Variants in SLC39A11 observed in about 807,000 individuals in gnomAD.
SLC39A11 encodes the protein zinc transporter ZIP11.
SLC39A11 carries 33 observed loss-of-function variants against 36.1 expected under a neutral mutation model. The ratio of observed to expected loss-of-function variants is 0.91; its 90% confidence interval spans 0.69 to 1.22. SLC39A11 has a LOEUF of 1.22. Ranked by LOEUF, SLC39A11 falls within the 50% of genes most tolerant of loss-of-function variation. The pLI, the probability that SLC39A11 is intolerant of heterozygous loss-of-function variation, is 0.00. For missense variants in SLC39A11, 432 were observed against 430.3 expected, an observed-to-expected ratio of 1.00 and a Z score of -0.03; for synonymous variants, 166 against 170.3, an observed-to-expected ratio of 0.97 and a Z score of 0.20.
At chr17:72,662,661 GA>G (rs1419763108) in intron 7 of SLC39A11, among the ~76,000 whole-genome samples, 1 of 89,816 alleles carries the variant, frequency 1.1e-5, no homozygotes, top group Non-Finnish European at 2.2e-5. Flanking sequence ...AAAAAGAAAA[GA>G]AAAAGGAAGG....
chr17:73,086,353 G>A (rs1433539228), intron 2 of SLC39A11, among the ~76,000 whole-genome samples: 1 of 142,724 alleles, frequency 7.0e-6, no homozygotes, highest in Non-Finnish European at 1.5e-5. Flanking sequence ...TTTTTTTTTT[G>A]CTATCTATCC....
chr17:72,992,361 C>A (rs1037152418), intron 4 of SLC39A11, among the ~76,000 whole-genome samples: 1 of 152,004 alleles, frequency 6.6e-6, no homozygotes, highest in Non-Finnish European at 1.5e-5. Flanking sequence ...TCTCAAAAAA[C>A]GAACAAAAAA....
At chr17:72,752,410 A>C (rs1046068001) in intron 6 of SLC39A11, among the ~76,000 whole-genome samples, 28 of 151,594 alleles carry the variant, frequency 1.8e-4, no homozygotes, top group East Asian at 7.8e-4. Flanking sequence ...ACGCCCAGCT[A>C]ACTTTAGTAT....
At chr17:72,717,183 A>T (rs924811924) in intron 7 of SLC39A11, among the ~76,000 whole-genome samples, 15 of 149,962 alleles carry the variant, frequency 1.0e-4, no homozygotes, top group Admixed American at 2.7e-4. Context: ...TAAAAATTTT[A>T]AAAAATTTAA....
intron 6 of SLC39A11, among the ~76,000 whole-genome samples, chr17:72,779,617 A>G (rs539915965): frequency 6.6e-6 from 1 of 152,276 alleles, no homozygotes; most frequent in East Asian, 1.9e-4. Flanking sequence ...TGCTAGGGCA[A>G]GGGAATGCTA....
At chr17:72,689,163 C>T (rs1473012286) in intron 7 of SLC39A11, among the ~76,000 whole-genome samples, 2 of 152,126 alleles carry the variant, frequency 1.3e-5, no homozygotes, top group Non-Finnish European at 2.9e-5. Context: ...AGGTGGCTGG[C>T]CCGATGCTCG....
At position 72,670,282 on chromosome 17, in the gene SLC39A11, G is replaced by T. The variant is rs543870842; in HGVS notation, c.672-21014C>A. Among the ~76,000 whole-genome samples, 120 of 150,746 alleles carry T rather than the reference G, an allele frequency of 8.0e-4. 1 individual carries two copies. Among genetic ancestry groups the T allele is most frequent in the African/African-American group, 2.8e-3 (115 of 41,000 alleles). On this transcript the variant is annotated intron_variant, in intron 7 of 9. Transcript: ENST00000255559. ...GTTACTCATGAGGCGGAGACAGGAT[G>T]ATCACTTGAGGCTGGGAGGTCAGGG...
At chr17:72,964,714 A>T (rs1484697847) in intron 4 of SLC39A11, among the ~76,000 whole-genome samples, 1 of 152,206 alleles carries the variant, frequency 6.6e-6, no homozygotes, top group Non-Finnish European at 1.5e-5. Flanking sequence ...GGGATCTAGA[A>T]CTAGAAATAC....
rs1312003557 is a variant in SLC39A11 at position 72,646,389 on chromosome 17, A to C, written c.*1195T>G. The C allele has an allele frequency of 6.6e-6, 1 of 152,184 alleles. No individual in the cohort carries two copies. The highest frequency in any genetic ancestry group is 3.2e-3 in the Middle Eastern group (1 of 316). 9.4% of individuals were successfully genotyped at this position (152,184 alleles called of 1,614,324 possible). A position where few individuals can be genotyped will look rare whatever the true frequency, so the allele number is the denominator to read the frequency against. The stretch of plus-strand genomic sequence containing the variant: ...TGTTTGAAGTGGACAGGTCATTGCT[A>C]CCCCTGTTGGAGAAGCTATGTAAGA... On this transcript the variant is annotated 3_prime_UTR_variant, in exon 10 of 10. Coordinates refer to ENST00000255559, the MANE Select transcript of SLC39A11 (RefSeq NM_139177.4).
At chr17:73,061,029 T>C in intron 3 of SLC39A11, among the ~76,000 whole-genome samples, 1 of 152,236 alleles carries the variant, frequency 6.6e-6, no homozygotes, top group Non-Finnish European at 1.5e-5. Context: ...AGTACAGGTT[T>C]GTGATTACTT....
chr17:72,861,859 C>T (rs1479924238), intron 5 of SLC39A11, among the ~76,000 whole-genome samples: 5 of 144,818 alleles, frequency 3.5e-5, no homozygotes, highest in Non-Finnish European at 6.0e-5. Context: ...ATATATATGA[C>T]TTTTAGAAAT....
intron 3 of SLC39A11, among the ~76,000 whole-genome samples, chr17:73,046,790 A>G (rs907064021): frequency 1.3e-5 from 2 of 151,850 alleles, no homozygotes; most frequent in Admixed American, 6.5e-5. Flanking sequence ...AAAAGGCAAA[A>G]GTTAGCCGGG....
At chr17:72,707,604 T>A (rs978532779) in intron 7 of SLC39A11, among the ~76,000 whole-genome samples, 1 of 152,184 alleles carries the variant, frequency 6.6e-6, no homozygotes, top group Non-Finnish European at 1.5e-5. Flanking sequence ...TCCTGTGTCA[T>A]CAAGCAACTA....
intron 4 of SLC39A11, among the ~76,000 whole-genome samples, chr17:72,967,869 A>G (rs1295958176): frequency 1.3e-5 from 2 of 152,162 alleles, no homozygotes; most frequent in Admixed American, 6.5e-5. Flanking sequence ...CCAGCCCCTT[A>G]ACAGCAGAGC....
At chr17:72,673,347 C>A (rs149407135) in intron 7 of SLC39A11, among the ~76,000 whole-genome samples, 1 of 152,248 alleles carries the variant, frequency 6.6e-6, no homozygotes, top group African/African-American at 2.4e-5. Context: ...TAGTGATCTG[C>A]CCACCTCGGC....
intron 5 of SLC39A11, among the ~76,000 whole-genome samples, chr17:72,884,682 A>C (rs1337363101): frequency 6.6e-6 from 1 of 152,244 alleles, no homozygotes; most frequent in Non-Finnish European, 1.5e-5. Context: ...ATTAGAGTTT[A>C]ATAAAAAGGA....
intron 3 of SLC39A11, among the ~76,000 whole-genome samples, chr17:73,076,480 G>A (rs1004786036): frequency 1.3e-5 from 2 of 152,182 alleles, no homozygotes; most frequent in Non-Finnish European, 2.9e-5. Flanking sequence ...GTATTGCAAT[G>A]TACGCACAAC....
intron 6 of SLC39A11, among the ~76,000 whole-genome samples, chr17:72,771,449 G>A (rs989286857): frequency 3.9e-5 from 6 of 152,032 alleles, no homozygotes; most frequent in South Asian, 2.1e-4. Context: ...TTCGTGCCTC[G>A]TGTTCTATAG....
chr17:72,746,047 G>A (rs1250295038), intron 6 of SLC39A11, among the ~76,000 whole-genome samples: 2 of 152,266 alleles, frequency 1.3e-5, no homozygotes, highest in African/African-American at 4.8e-5. Flanking sequence ...TGAGAGAGGA[G>A]GGCTTTGAAA....
Sources: gnomAD v4.1 joint callset for allele counts (sites outside exome capture counted in the v4.1 genomes callset) on GRCh38, gnomAD v4.1.1 for gene constraint, MANE v1.5 for transcripts, NCBI Gene and HGNC (gene_info 2026-07-23, HGNC 2026-07-21) for gene names.